The following RPTOR variants were observed in gnomAD, a reference collection of about 807,000 sequenced individuals.
The protein encoded by RPTOR is regulatory associated protein of MTOR complex 1.
RPTOR carries 21 observed loss-of-function variants against 169.9 expected under a neutral mutation model. The observed-to-expected ratio is 0.12, with a 90% CI of 0.09 to 0.18. The LOEUF is 0.18. Ranked by LOEUF, RPTOR falls within the 10% of genes least tolerant of loss-of-function variation. The probability of loss-of-function intolerance (pLI) is 1.00; values close to 1 mark genes in which losing one functional copy is unlikely to be tolerated. For missense variants in RPTOR, 1,133 were observed against 1,855.9 expected (o/e 0.61, Z 7.16); for synonymous variants, 732 against 753.2 (o/e 0.97, Z 0.46).
At chr17:80,797,153 G>A (rs905275723) in intron 7 of RPTOR, among the ~76,000 whole-genome samples, 2 of 152,124 alleles carry the variant, frequency 1.3e-5, no homozygotes, top group African/African-American at 4.8e-5. Flanking sequence ...TGTTTTTCCA[G>A]ACAGGGATTC....
Position 80,844,667 on chromosome 17 carries a change from G to A in RPTOR, c.1213-1806G>A, listed in dbSNP as rs1434374998. Among the ~76,000 whole-genome samples, 3 of 152,160 alleles carry A rather than the reference G, an allele frequency of 2.0e-5. No homozygotes were observed. The highest frequency in any genetic ancestry group is 1.9e-4 in the East Asian group (1 of 5,184). On this transcript the variant is annotated intron_variant, in intron 10 of 33. Transcript: ENST00000306801. The surrounding 1 kb of genome is among the most constrained non-coding windows in gnomAD (Gnocchi z 4.7). ...GGATTCCTACGTGGTGAATGTTCTC[G>A]GCTGACTTTTTAAGTCGGGCCACGG...
At chr17:80,828,188 T>TGTCTGAACGA (rs1449558918) in intron 9 of RPTOR, among the ~76,000 whole-genome samples, 10 of 152,160 alleles carry the variant, frequency 6.6e-5, no homozygotes, top group Admixed American at 6.5e-4. Flanking sequence ...GCTTCCCCGG[T>TGTCTGAACGA]GTCTGAACGA....
At chr17:80,822,604 A>T (rs2067392080) in intron 8 of RPTOR, among the ~76,000 whole-genome samples, 1 of 152,122 alleles carries the variant, frequency 6.6e-6, no homozygotes. Flanking sequence ...CATTATTCAC[A>T]CTGGCTGGAA....
intron 7 of RPTOR, among the ~76,000 whole-genome samples, chr17:80,810,199 G>T (rs1205858586): frequency 6.6e-6 from 1 of 151,888 alleles, no homozygotes; most frequent in South Asian, 2.1e-4. Flanking sequence ...AGAAATCTTT[G>T]CCAACCCTCG....
chr17:80,854,554 T>A (rs1434687361), intron 11 of RPTOR, among the ~76,000 whole-genome samples: 3 of 152,386 alleles, frequency 2.0e-5, no homozygotes, highest in African/African-American at 7.2e-5. Context: ...ATCATGTACA[T>A]GTGCCGATGT....
At chr17:80,748,022 CGGTG>C (rs1239961272) in intron 5 of RPTOR, among the ~76,000 whole-genome samples, 32 of 109,338 alleles carry the variant, frequency 2.9e-4, no homozygotes, top group South Asian at 1.4e-3. Context: ...GGAGGGACTG[CGGTG>C]TGTGTTTAGA....
At chr17:80,716,692 A>G (rs1343452906) in intron 4 of RPTOR, among the ~76,000 whole-genome samples, 1 of 152,186 alleles carries the variant, frequency 6.6e-6, no homozygotes, top group Non-Finnish European at 1.5e-5. Context: ...TAGAATTTTT[A>G]TAGTTTCAGG....
chr17:80,624,955 G>A (rs1371564573), intron 1 of RPTOR, among the ~76,000 whole-genome samples: 2 of 152,210 alleles, frequency 1.3e-5, no homozygotes, highest in Non-Finnish European at 2.9e-5. Context: ...CCCCGATGGG[G>A]AGTGTGGAAG....
At chr17:80,613,883 T>A (rs2065289733) in intron 1 of RPTOR, among the ~76,000 whole-genome samples, 1 of 152,262 alleles carries the variant, frequency 6.6e-6, no homozygotes, top group South Asian at 2.1e-4. Context: ...TAAGTGGCTG[T>A]GGAGCACGAT....
intron 9 of RPTOR, among the ~76,000 whole-genome samples, chr17:80,834,905 A>G (rs2067547377): frequency 6.6e-6 from 1 of 152,156 alleles, no homozygotes; most frequent in African/African-American, 2.4e-5. Context: ...ACTTGCACAC[A>G]CTTTCTTCTA....
At chr17:80,852,447 A>C (rs1224137548) in intron 11 of RPTOR, among the ~76,000 whole-genome samples, 1 of 152,058 alleles carries the variant, frequency 6.6e-6, no homozygotes, top group Non-Finnish European at 1.5e-5. Context: ...GTTCCAGTTC[A>C]CATATCCTGC....
rs2069418923 is a variant in RPTOR, at chr17:80,965,681, T to G, written c.*1351T>G. ...CTGCGGTGTGGCTGGTGGCCTGCCG[T>G]GGCCAAGAGCATCTTCTGGGTGGAT... On this transcript the variant is annotated 3_prime_UTR_variant, in exon 34 of 34. Coordinates refer to ENST00000306801, the MANE Select transcript of RPTOR (RefSeq NM_020761.3). 4.3e-6 allele frequency: 1 copy of G among 233,096 alleles called. No individual in the cohort carries two copies. Among genetic ancestry groups the G allele is most frequent in the Non-Finnish European group, 8.5e-6 (1 of 118,056 alleles). The allele number at this position is 233,096 out of a possible 1,614,324, so 14.4% of individuals were successfully genotyped here. A position where few individuals can be genotyped will look rare whatever the true frequency, so the allele number is the denominator to read the frequency against.
chr17:80,799,295 C>A (rs1301990740), intron 7 of RPTOR, among the ~76,000 whole-genome samples: 3 of 152,196 alleles, frequency 2.0e-5, no homozygotes, highest in Non-Finnish European at 2.9e-5. Flanking sequence ...GGCGTGGAAA[C>A]CCCACCACAA....
At position 80,860,643 on chromosome 17, in the gene RPTOR, C is replaced by T. The variant is rs192390331; in HGVS notation, c.1509+2743C>T. The stretch of plus-strand genomic sequence containing the variant: ...TTCCACCTTGGAGGCAGGCGTCAGT[C>T]GTACCCAGCACCAGTTGACCTCTCG... On this transcript the variant is annotated intron_variant, in intron 13 of 33. Transcript: ENST00000306801. The surrounding 1 kb of genome is among the most constrained non-coding windows in gnomAD (Gnocchi z 5.8). 9.9e-4 allele frequency among the ~76,000 whole-genome samples: 151 copies of T among 152,230 alleles called. 1 individual carries two copies. Among genetic ancestry groups the T allele is most frequent in the Non-Finnish European group, 1.9e-3 (126 of 68,032 alleles).
chr17:80,805,928 C>A (rs1351086858), intron 7 of RPTOR, among the ~76,000 whole-genome samples: 2 of 152,134 alleles, frequency 1.3e-5, no homozygotes, highest in Non-Finnish European at 2.9e-5. Flanking sequence ...GTCAGGGAAA[C>A]TTCCTCCCGA....
intron 9 of RPTOR, among the ~76,000 whole-genome samples, chr17:80,830,752 C>CTT (rs34990055): frequency 0.03 from 4,308 of 142,724 alleles, 99 homozygotes; most frequent in South Asian, 0.055. Flanking sequence ...TCATTTTCAT[C>CTT]TTTTTTTTTT....
At chr17:80,556,477 G>T (rs1472638968) in intron 1 of RPTOR, among the ~76,000 whole-genome samples, 5 of 152,104 alleles carry the variant, frequency 3.3e-5, no homozygotes, top group African/African-American at 1.2e-4. Context: ...TTGTGCTGGT[G>T]CACTCCAGCC....
At chr17:80,865,674 T>C (rs1192129723) in intron 13 of RPTOR, among the ~76,000 whole-genome samples, 1 of 152,100 alleles carries the variant, frequency 6.6e-6, no homozygotes, top group Non-Finnish European at 1.5e-5. Context: ...CTGATGGAAC[T>C]GCGAGGAGAA....
At chr17:80,850,213 C>T (rs940653481) in intron 11 of RPTOR, among the ~76,000 whole-genome samples, 7 of 152,308 alleles carry the variant, frequency 4.6e-5, no homozygotes, top group Middle Eastern at 3.4e-3. Flanking sequence ...CTCAGCCCCT[C>T]GCACCTTTTG....
Sources: gnomAD v4.1 joint callset for allele counts (sites outside exome capture counted in the v4.1 genomes callset) on GRCh38, gnomAD v4.1.1 for gene constraint, Gnocchi (gnomAD v3.1) non-coding constraint, MANE v1.5 for transcripts, NCBI Gene and HGNC (gene_info 2026-07-23, HGNC 2026-07-21) for gene names.